RFX3: variants seen among roughly 807,000 people sequenced by gnomAD.
The protein encoded by RFX3 is regulatory factor X3.
Under a neutral mutation model 98.6 loss-of-function variants are expected in RFX3, and 14 were observed. That is an observed-to-expected ratio of 0.14 (90% CI 0.09 to 0.22). The LOEUF is 0.22. RFX3 is among the 10% of genes least tolerant of loss of function. The probability of loss-of-function intolerance (pLI) is 1.00; values close to 1 mark genes in which losing one functional copy is unlikely to be tolerated. For synonymous variants in RFX3, 383 were observed against 328.4 expected, an observed-to-expected ratio of 1.17 and a Z score of -1.80; for missense variants, 639 against 926.9, an observed-to-expected ratio of 0.69 and a Z score of 4.03.
chr9:3,331,268 T>C (rs1281468602), intron 3 of RFX3, among the ~76,000 whole-genome samples: 1 of 152,190 alleles, frequency 6.6e-6, no homozygotes, highest in Non-Finnish European at 1.5e-5. Flanking sequence ...TCTTGTGACC[T>C]ATCTATAGTA....
At chr9:3,378,649 C>T (rs549269324) in intron 2 of RFX3, among the ~76,000 whole-genome samples, 168 of 150,802 alleles carry the variant, frequency 1.1e-3, no homozygotes, top group African/African-American at 3.8e-3. Flanking sequence ...CTCTGCCTCC[C>T]GGGTTCAAGC....
chr9:3,510,363 C>G (rs1484628224), intron 1 of RFX3, among the ~76,000 whole-genome samples: 1 of 151,944 alleles, frequency 6.6e-6, no homozygotes, highest in Non-Finnish European at 1.5e-5. Context: ...ACAAAACTCT[C>G]CTTTAAATGT....
chr9:3,300,388 A>G (rs186617324), intron 5 of RFX3, among the ~76,000 whole-genome samples: 6 of 151,918 alleles, frequency 3.9e-5, no homozygotes, highest in Middle Eastern at 3.4e-3. Flanking sequence ...CCTTTGAAAA[A>G]AGAAACAAGA....
chr9:3,364,469 C>T (rs917711356), intron 2 of RFX3: 3 of 253,848 alleles, frequency 1.2e-5, no homozygotes, highest in Middle Eastern at 1.3e-3. Context: ...TTATTTGCTT[C>T]TTTGAAGTGC....
In RFX3 at chr9:3,420,695, C is replaced by T. The variant is rs1055069641; in HGVS notation, c.-8-25099G>A. On this transcript the variant is annotated intron_variant, in intron 1 of 16. Coordinates refer to ENST00000617270, the MANE Select transcript of RFX3 (RefSeq NM_001282116.2). ...AGGAGTAAATTTTAAGAGGCAGGTT[C>T]CACAGCAAAGTCAGGAATTATTTCT... 29 of 737,312 alleles carry T rather than the reference C, an allele frequency of 3.9e-5. 1 individual carries two copies. In the Admixed American group the frequency reaches 1.8e-3, roughly 45 times the overall value. 45.7% of individuals were successfully genotyped at this position (737,312 alleles called of 1,614,324 possible).
chr9:3,425,884 C>A (rs1843969660), intron 1 of RFX3, among the ~76,000 whole-genome samples: 2 of 152,040 alleles, frequency 1.3e-5, no homozygotes, highest in Admixed American at 1.3e-4. Flanking sequence ...TGATATGCAT[C>A]AAGTTGAATG....
At chr9:3,448,163 TA>T (rs547748086) in intron 1 of RFX3, among the ~76,000 whole-genome samples, 13,187 of 149,448 alleles carry the variant, frequency 0.088, 785 homozygotes, top group African/African-American at 0.17. Context: ...ACACATGATT[TA>T]AAAAAAAAAA....
At position 3,505,831 on chromosome 9, in the gene RFX3, C is replaced by T. The variant is rs1817035030; in HGVS notation, c.-9+19916G>A. 2.0e-5 allele frequency among the ~76,000 whole-genome samples: 3 copies of T among 151,100 alleles called. No individual in the cohort carries two copies. The South Asian group carries it at 6.3e-4, about 32-fold the overall frequency. ...TTTTTTCCATAGCATTGACAACCATCTATTATAATACATACTCATTTATCT... is the reference window on the plus strand; with the variant it reads ...TTTTTTCCATAGCATTGACAACCATTTATTATAATACATACTCATTTATCT... On this transcript the variant is annotated intron_variant, in intron 1 of 16. Transcript: ENST00000617270.
chr9:3,248,057 T>C lies in RFX3; in HGVS notation c.1943A>G (p.Glu648Gly). Reference sequence around the variant, plus strand: ...CTCGCCCATGACTGCTATAGGAGTCTCTCCTGTTGCCTGAGCAACACGATG... The same window carrying C: ...CTCGCCCATGACTGCTATAGGAGTCCCTCCTGTTGCCTGAGCAACACGATG... ...VEHRVAQATGETPIAVMGEFG... is the reference protein window; with the variant it reads ...VEHRVAQATGGTPIAVMGEFG... The change falls in exon 15 of 17, where the codon GAG (glutamate) becomes GGG (glycine). Residue 648 changes from glutamate to glycine, a missense_variant. Glu to Gly is a moderately conservative substitution (Grantham distance 98, BLOSUM62 -2). This residue lies in a region of RFX3 where 129 missense variants were observed against 124.6 expected (regional missense o/e 1.04). Coordinates refer to ENST00000617270, the MANE Select transcript of RFX3 (RefSeq NM_001282116.2). 1 of 1,614,008 alleles carries C rather than the reference T, an allele frequency of 6.2e-7. No individual in the cohort carries two copies. Among genetic ancestry groups the C allele is most frequent in the South Asian group, 1.1e-5 (1 of 91,078 alleles).
intron 2 of RFX3, among the ~76,000 whole-genome samples, chr9:3,390,530 G>A (rs1164004977): frequency 6.6e-6 from 1 of 151,968 alleles, no homozygotes; most frequent in African/African-American, 2.4e-5. Context: ...GTGGGGAATT[G>A]CTATGTCCCC....
intron 3 of RFX3, among the ~76,000 whole-genome samples, chr9:3,333,843 A>G (rs1347427784): frequency 6.6e-6 from 1 of 152,186 alleles, no homozygotes; most frequent in Admixed American, 6.5e-5. Flanking sequence ...AAACATAATA[A>G]TAGCTAAATA....
intron 1 of RFX3, among the ~76,000 whole-genome samples, chr9:3,463,805 C>T (rs1847942155): frequency 6.6e-6 from 1 of 151,770 alleles, no homozygotes; most frequent in African/African-American, 2.4e-5. Flanking sequence ...ACCCCAGTAT[C>T]TACAAAAAGT....
At chr9:3,292,254 T>C (rs1340816802) in intron 6 of RFX3, among the ~76,000 whole-genome samples, 1 of 151,926 alleles carries the variant, frequency 6.6e-6, no homozygotes, top group Non-Finnish European at 1.5e-5. Flanking sequence ...TCCAGCTACT[T>C]AAAATATTTA....
intron 1 of RFX3, among the ~76,000 whole-genome samples, chr9:3,451,939 T>C (rs1463735706): frequency 6.6e-6 from 1 of 152,120 alleles, no homozygotes; most frequent in Non-Finnish European, 1.5e-5. Flanking sequence ...ACAATTTCAA[T>C]TGTACAATTC....
At chr9:3,240,592 T>C (rs1217565700) in intron 15 of RFX3, among the ~76,000 whole-genome samples, 1 of 152,204 alleles carries the variant, frequency 6.6e-6, no homozygotes, top group Non-Finnish European at 1.5e-5. Flanking sequence ...GCTTGTATTA[T>C]CATCACATAA....
chr9:3,290,855 T>C (rs543561855), intron 6 of RFX3, among the ~76,000 whole-genome samples: 1 of 152,248 alleles, frequency 6.6e-6, no homozygotes, highest in Admixed American at 6.5e-5. Flanking sequence ...TCCCAAACTA[T>C]GGCACCTTGG....
Position 3,476,171 on chromosome 9 carries a change from TAATA to T in RFX3, c.-9+49572_-9+49575del, listed in dbSNP as rs541034868. On this transcript the variant is annotated intron_variant, in intron 1 of 16. Coordinates refer to ENST00000617270, the MANE Select transcript of RFX3 (RefSeq NM_001282116.2). ...ACAAATGATTAATGATACTCATATA[TAATA>T]TATATAATATATACATATAATTCAT... Among the ~76,000 whole-genome samples, 719 of 149,836 alleles carry T rather than the reference TAATA, an allele frequency of 4.8e-3. 7 individuals carry two copies. Among genetic ancestry groups the T allele is most frequent in the African/African-American group, 0.016 (675 of 41,050 alleles).
chr9:3,310,356 T>G (rs1214361140), intron 4 of RFX3, among the ~76,000 whole-genome samples: 2 of 152,178 alleles, frequency 1.3e-5, no homozygotes, highest in East Asian at 3.9e-4. Flanking sequence ...CCTTATATGC[T>G]AATAAGGCAG....
rs112890374 is a variant in RFX3, at chr9:3,401,134, C to A, written c.-8-5538G>T. On this transcript the variant is annotated intron_variant, in intron 1 of 16. Coordinates refer to ENST00000617270, the MANE Select transcript of RFX3 (RefSeq NM_001282116.2). The stretch of plus-strand genomic sequence containing the variant: ...ACCAAAGTTAGGAAGTATTTCTTCT[C>A]TTTCAACAGAGACCATAAAACCCAA... Among the ~76,000 whole-genome samples the A allele has an allele frequency of 3.3e-5, 5 of 152,334 alleles. 1 individual carries two copies. The highest frequency in any genetic ancestry group is 1.2e-4 in the African/African-American group (5 of 41,576).
Sources: allele counts gnomAD v4.1 joint callset (sites outside exome capture counted in the v4.1 genomes callset), GRCh38; gene constraint gnomAD v4.1.1; regional missense constraint gnomAD v4.1.1; transcripts MANE v1.5; gene names NCBI Gene and HGNC (gene_info 2026-07-23, HGNC 2026-07-21).